Variants in CUX1 observed in about 807,000 individuals in gnomAD.
The protein encoded by CUX1 is cut like homeobox 1, also known as protein CASP.
Under a neutral mutation model 158.8 loss-of-function variants are expected in CUX1, and 31 were observed. The ratio of observed to expected loss-of-function variants is 0.20; its 90% confidence interval spans 0.15 to 0.26. The LOEUF (loss-of-function observed/expected upper bound fraction) is 0.26, where lower values mean the gene tolerates loss of function less well. CUX1 is among the 10% of genes least tolerant of loss of function. CUX1 has a pLI of 1.00. For synonymous variants in CUX1, 879 were observed against 862.1 expected (o/e 1.02, Z -0.34); for missense variants, 1,589 against 2,014.6 (o/e 0.79, Z 4.04).
At chr7:101,962,212 G>C (rs1202184956) in intron 2 of CUX1, among the ~76,000 whole-genome samples, 1 of 152,142 alleles carries the variant, frequency 6.6e-6, no homozygotes, top group Non-Finnish European at 1.5e-5. Flanking sequence ...AAACACAAAT[G>C]TATCGATTTC....
intron 2 of CUX1, among the ~76,000 whole-genome samples, chr7:102,026,619 A>C (rs1239734289): frequency 2.0e-5 from 3 of 151,928 alleles, no homozygotes; most frequent in African/African-American, 7.3e-5. Context: ...CAGGAGTTTG[A>C]GAACAGCCTA....
chr7:102,170,399 G>A lies in CUX1; in HGVS notation c.724-47G>A, dbSNP rs201899700. Reference sequence around the variant, plus strand: ...AATGTTCTTGTAATAATTGTCAGTTGTTAAACTGAATGTACTTTCTCTTTC... The same window carrying A: ...AATGTTCTTGTAATAATTGTCAGTTATTAAACTGAATGTACTTTCTCTTTC... On this transcript the variant is annotated intron_variant, in intron 9 of 23. Coordinates refer to ENST00000292535, the MANE Select transcript of CUX1 (RefSeq NM_181552.4). The A allele has an allele frequency of 4.3e-5, 56 of 1,314,148 alleles. 1 individual carries two copies. In the East Asian group the frequency reaches 1.2e-3, roughly 29 times the overall value. 81.4% of individuals were successfully genotyped at this position (1,314,148 alleles called of 1,614,324 possible).
chr7:102,030,691 G>GTTTTTTTTGT (rs1554459487), intron 3 of CUX1, among the ~76,000 whole-genome samples: 1 of 119,412 alleles, frequency 8.4e-6, no homozygotes, highest in Non-Finnish European at 1.7e-5. Flanking sequence ...TTTAAAAAGT[G>GTTTTTTTTGT]TTTTTTTTTT....
chr7:101,951,628 C>G (rs1809069768), intron 2 of CUX1, among the ~76,000 whole-genome samples: 2 of 152,096 alleles, frequency 1.3e-5, no homozygotes, highest in South Asian at 2.1e-4. Context: ...GCCTCAGCCT[C>G]CTGAGTAGCT....
In CUX1 at chr7:101,894,628, A is replaced by G. The variant is rs142955784; in HGVS notation, c.31-21487A>G. Among the ~76,000 whole-genome samples the G allele has an allele frequency of 6.2e-3, 948 of 152,272 alleles. 12 individuals are homozygous for G. The highest frequency in any genetic ancestry group is 0.022 in the African/African-American group (898 of 41,530). On this transcript the variant is annotated intron_variant, in intron 1 of 23. Coordinates refer to ENST00000292535, the MANE Select transcript of CUX1 (RefSeq NM_181552.4). ...CGCCCGGCCTATGGCGCAGGTTTTA[A>G]AGAGTGGAAGTGCTTTGACAATGGA...
At chr7:102,243,419 A>G (rs1554535609) in intron 23 of CUX1, among the ~76,000 whole-genome samples, 1 of 152,102 alleles carries the variant, frequency 6.6e-6, no homozygotes, top group African/African-American at 2.4e-5. Context: ...ATCTGGAAAA[A>G]TATCATGGAA....
intron 1 of CUX1, among the ~76,000 whole-genome samples, chr7:101,874,541 C>A (rs1033294412): frequency 6.6e-6 from 1 of 152,136 alleles, no homozygotes; most frequent in Non-Finnish European, 1.5e-5. Context: ...TTTTTAGGAT[C>A]GTGATGTCTT....
intron 9 of CUX1, among the ~76,000 whole-genome samples, chr7:102,162,445 C>T (rs1050774559): frequency 3.3e-5 from 5 of 151,166 alleles, no homozygotes; most frequent in Admixed American, 2.0e-4. Flanking sequence ...TGGGTTCAAG[C>T]GATTCTCCTG....
chr7:102,140,444 C>A (rs1486637246), intron 8 of CUX1, among the ~76,000 whole-genome samples: 1 of 148,328 alleles, frequency 6.7e-6, no homozygotes, highest in Non-Finnish European at 1.5e-5. Context: ...CGGGGTTTCA[C>A]CATGTTTGCC....
exon 23 of CUX1, chr7:102,283,490 T>G: frequency 4.8e-6 from 1 of 209,344 alleles, no homozygotes; most frequent in South Asian, 8.3e-5. Context: ...TGGGCTCTCC[T>G]AGGATCCCCC....
At chr7:101,940,562 T>C (rs1291481856) in intron 2 of CUX1, among the ~76,000 whole-genome samples, 1 of 152,142 alleles carries the variant, frequency 6.6e-6, no homozygotes, top group African/African-American at 2.4e-5. Context: ...TTGATATATA[T>C]GTGTATATAT....
chr7:102,125,854 G>A (rs1832580533), intron 8 of CUX1: 1 of 151,386 alleles, frequency 6.6e-6, no homozygotes, highest in South Asian at 2.1e-4. Flanking sequence ...TTTGAGACAA[G>A]GTCTCACTCT....
At chr7:102,066,781 C>T (rs1348736801) in intron 3 of CUX1, among the ~76,000 whole-genome samples, 2 of 152,198 alleles carry the variant, frequency 1.3e-5, no homozygotes, top group East Asian at 1.9e-4. Context: ...ACTCCAAATC[C>T]GTTGCTTACT....
chr7:102,210,654 C>G (rs1796421017), intron 20 of CUX1, among the ~76,000 whole-genome samples: 2 of 152,160 alleles, frequency 1.3e-5, no homozygotes, highest in Non-Finnish European at 2.9e-5. Flanking sequence ...CGTGAAATAC[C>G]CAGCTCTTTC....
At chr7:102,074,535 C>T (rs1826487106) in intron 4 of CUX1, among the ~76,000 whole-genome samples, 1 of 152,194 alleles carries the variant, frequency 6.6e-6, no homozygotes, top group South Asian at 2.1e-4. Context: ...TAGGGCTTTG[C>T]ATTGTGGCTC....
At position 102,201,773 on chromosome 7, in the gene CUX1, A is replaced by G; in HGVS notation, c.2476A>G (p.Ser826Gly). ...CGGTGCCTGGAAGGACCACTGGTGG[A>G]GCGCGGTGCAGCCGGAGAGAAGAAA... Reference protein sequence around the residue: ...RSGAWKDHWWSAVQPERRNAA... With the variant: ...RSGAWKDHWWGAVQPERRNAA... The change falls in exon 18 of 24, where the codon AGC becomes GGC. Residue 826 changes from serine to glycine, a missense_variant. Coordinates refer to ENST00000292535, the MANE Select transcript of CUX1 (RefSeq NM_181552.4). The surrounding 1 kb of genome is among the most constrained non-coding windows in gnomAD (Gnocchi z 5.0). 1.2e-6 allele frequency: 2 copies of G among 1,612,752 alleles called. No individual in the cohort carries two copies. Among genetic ancestry groups the G allele is most frequent in the Non-Finnish European group, 8.5e-7 (1 of 1,179,900 alleles).
chr7:101,816,548 G>A (rs1366748693), upstream of CUX1, among the ~76,000 whole-genome samples: 1 of 142,034 alleles, frequency 7.0e-6, no homozygotes, highest in Non-Finnish European at 1.6e-5. Context: ...GCGCCGGGAG[G>A]GGGCCGCGGC....
rs1796815945 is a variant in CUX1 at position 102,214,138 on chromosome 7, TAATA to T, written c.3130+8970_3130+8973del. Among the ~76,000 whole-genome samples, 3 of 143,956 alleles carry T rather than the reference TAATA, an allele frequency of 2.1e-5. 1 individual carries two copies. The highest frequency in any genetic ancestry group is 8.8e-5 in the African/African-American group (3 of 34,038). The allele number at this position is 143,956 out of a possible 152,430, so 94.4% of individuals were successfully genotyped here. On this transcript the variant is annotated intron_variant, in intron 20 of 23. Coordinates refer to ENST00000292535, the MANE Select transcript of CUX1 (RefSeq NM_181552.4). ...CAAGAGCAAAACTTCATCTCAAAAA[TAATA>T]ATAATAATAATAAGTGGAAATGGTT...
At position 101,866,260 on chromosome 7, in the gene CUX1, G is replaced by A. The variant is rs187329136; in HGVS notation, c.30+48591G>A. 2.1e-3 allele frequency among the ~76,000 whole-genome samples: 319 copies of A among 152,058 alleles called. 1 individual carries two copies. Among genetic ancestry groups the A allele is most frequent in the Non-Finnish European group, 3.6e-3 (243 of 67,976 alleles). ...GTGGATCACTTGAGGCCAGGGGTTC[G>A]AGACCAGCTTGGCCAACATGGCGAC... On this transcript the variant is annotated intron_variant, in intron 1 of 23. Transcript: ENST00000292535.
Sources: gnomAD v4.1 joint callset for allele counts (sites outside exome capture counted in the v4.1 genomes callset) on GRCh38, gnomAD v4.1.1 for gene constraint, Gnocchi (gnomAD v3.1) non-coding constraint, MANE v1.5 for transcripts, NCBI Gene and HGNC (gene_info 2026-07-23, HGNC 2026-07-21) for gene names.